Variants in SIK3 observed in about 807,000 individuals in gnomAD.
The protein encoded by SIK3 is SIK family kinase 3, also known as serine/threonine-protein kinase SIK3.
In SIK3, 28 loss-of-function variants were observed where a neutral mutation model predicts 144.2. The observed-to-expected ratio is 0.19, with a 90% CI of 0.14 to 0.27. The LOEUF (loss-of-function observed/expected upper bound fraction) is 0.27, where lower values mean the gene tolerates loss of function less well. Ranked by LOEUF, SIK3 falls within the 10% of genes least tolerant of loss-of-function variation. The probability of loss-of-function intolerance (pLI) is 1.00; values close to 1 mark genes in which losing one functional copy is unlikely to be tolerated. For synonymous variants in SIK3, 686 were observed against 676.3 expected (o/e 1.01, Z -0.22); for missense variants, 1,319 against 1,776.0 (o/e 0.74, Z 4.62).
chr11:116,916,923 A>G (rs1946674670), intron 4 of SIK3, among the ~76,000 whole-genome samples: 1 of 151,880 alleles, frequency 6.6e-6, no homozygotes, highest in Admixed American at 6.6e-5. Context: ...TAGGCGACAG[A>G]GCGAGACCTC....
intron 1 of SIK3, among the ~76,000 whole-genome samples, chr11:116,996,171 G>A (rs1467942138): frequency 6.6e-6 from 1 of 152,002 alleles, no homozygotes; most frequent in East Asian, 1.9e-4. Context: ...AGCCAGGTGT[G>A]GTGGTGTGTG....
chr11:116,930,702 A>T (rs1947553767), intron 3 of SIK3, among the ~76,000 whole-genome samples: 1 of 152,086 alleles, frequency 6.6e-6, no homozygotes, highest in African/African-American at 2.4e-5. Context: ...CTGAGACACA[A>T]ATACTACCCA....
chr11:116,995,404 C>T (rs1950632026), intron 1 of SIK3, among the ~76,000 whole-genome samples: 2 of 151,924 alleles, frequency 1.3e-5, no homozygotes, highest in African/African-American at 4.8e-5. Flanking sequence ...GCTAGGACTA[C>T]AGGTGTGCAC....
At chr11:116,881,753 G>A (rs1222944289) in intron 6 of SIK3, among the ~76,000 whole-genome samples, 1 of 152,012 alleles carries the variant, frequency 6.6e-6, no homozygotes, top group Non-Finnish European at 1.5e-5. Flanking sequence ...AAGACTAATA[G>A]AGCAATTCAT....
At chr11:116,980,532 T>C (rs1950102645) in intron 1 of SIK3, among the ~76,000 whole-genome samples, 1 of 152,200 alleles carries the variant, frequency 6.6e-6, no homozygotes. Context: ...TGAATGAATA[T>C]CACTTTCACA....
chr11:117,079,650 T>A (rs1954698144), intron 1 of SIK3, among the ~76,000 whole-genome samples: 1 of 151,888 alleles, frequency 6.6e-6, no homozygotes. Context: ...GAAGCAAAGA[T>A]TTACATTTAA....
At chr11:116,932,876 A>G (rs891865804) in intron 3 of SIK3, among the ~76,000 whole-genome samples, 1 of 152,122 alleles carries the variant, frequency 6.6e-6, no homozygotes, top group African/African-American at 2.4e-5. Flanking sequence ...GGCTCACTGC[A>G]GCCTTGACCT....
intron 4 of SIK3, among the ~76,000 whole-genome samples, chr11:116,902,236 G>T (rs1945772751): frequency 6.6e-6 from 1 of 152,202 alleles, no homozygotes; most frequent in South Asian, 2.1e-4. Flanking sequence ...ATTTAAACCA[G>T]TTGAGTTTAA....
chr11:116,876,372 T>G lies in SIK3; in HGVS notation c.985-9A>C, dbSNP rs1159406027. The G allele has an allele frequency of 1.4e-5, 22 of 1,606,264 alleles. No homozygotes were observed. Among genetic ancestry groups the G allele is most frequent in the Non-Finnish European group, 1.9e-5 (22 of 1,173,248 alleles). ...TGGCATTCAGCTATTAACTGTAACA[T>G]AAAAAGGAGGAAGCTGTCAACCCCC... On this transcript the variant is annotated splice_polypyrimidine_tract_variant and intron_variant, in intron 7 of 24. Transcript: ENST00000445177.
chr11:117,022,814 G>GATGA (rs1951831699), intron 1 of SIK3, among the ~76,000 whole-genome samples: 2 of 141,426 alleles, frequency 1.4e-5, no homozygotes, highest in Non-Finnish European at 3.1e-5. Context: ...TGGAGGGCAA[G>GATGA]GGAGGAAATG....
At chr11:116,979,060 T>C (rs1415592807) in intron 1 of SIK3, among the ~76,000 whole-genome samples, 1 of 152,188 alleles carries the variant, frequency 6.6e-6, no homozygotes, top group Non-Finnish European at 1.5e-5. Context: ...CTAGGGGACA[T>C]ACCTAGGCAT....
At chr11:116,914,216 T>G (rs1213510942) in intron 4 of SIK3, among the ~76,000 whole-genome samples, 1 of 150,390 alleles carries the variant, frequency 6.6e-6, no homozygotes, top group Non-Finnish European at 1.5e-5. Context: ...ATTTTTTTTT[T>G]TTTTTTTTTT....
intron 4 of SIK3, among the ~76,000 whole-genome samples, chr11:116,901,706 C>A (rs1246791045): frequency 6.6e-6 from 1 of 152,166 alleles, no homozygotes; most frequent in East Asian, 1.9e-4. Context: ...CTCTCTAGTT[C>A]CTTACCTTAT....
At chr11:116,883,671 C>G (rs911679728) in intron 6 of SIK3, among the ~76,000 whole-genome samples, 7 of 152,152 alleles carry the variant, frequency 4.6e-5, no homozygotes, top group Non-Finnish European at 7.4e-5. Flanking sequence ...TGGTGGCTCA[C>G]GCCTATAATC....
intron 3 of SIK3, among the ~76,000 whole-genome samples, chr11:116,947,351 G>A (rs1196866848): frequency 6.9e-6 from 1 of 145,968 alleles, no homozygotes; most frequent in South Asian, 2.1e-4. Flanking sequence ...AAGATACTAA[G>A]AAGGAACAGT....
rs1947327190 is a variant in SIK3, at chr11:116,927,247, C to T, written c.588G>A (p.Leu196=). The T allele has an allele frequency of 3.7e-6, 6 of 1,613,932 alleles. No individual in the cohort carries two copies. The highest frequency in any genetic ancestry group is 4.2e-6 in the Non-Finnish European group (5 of 1,179,898). Residue 196 remains leucine, a synonymous_variant, in exon 4 of 25, where the codon CTG becomes CTA. Transcript: ENST00000445177. ...HRDLKAENLL[L]DANLNIKIAD... ...CTATTTTGATATTCAGATTGGCATCCAGAAGTAAATTTTCAGCTTTTAAAT... is the reference window on the plus strand; with the variant it reads ...CTATTTTGATATTCAGATTGGCATCTAGAAGTAAATTTTCAGCTTTTAAAT...
chr11:117,063,152 CTAAT>C (rs1326349305), intron 1 of SIK3, among the ~76,000 whole-genome samples: 1 of 152,134 alleles, frequency 6.6e-6, no homozygotes, highest in Non-Finnish European at 1.5e-5. Flanking sequence ...CTTATACTAA[CTAAT>C]CTTCATATCA....
rs1389929568 is a variant in SIK3, at chr11:116,917,168, G to C, written c.616+10051C>G. Among the ~76,000 whole-genome samples the C allele has an allele frequency of 1.6e-4, 24 of 152,166 alleles. No individual in the cohort carries two copies. In the East Asian group the frequency reaches 4.5e-3, roughly 28 times the overall value. ...ATAAAGACTCCCTCAGAATCAGAGT[G>C]AAGGAGCACTCTGGGTGATTCGTTA... On this transcript the variant is annotated intron_variant, in intron 4 of 24. Coordinates refer to ENST00000445177, the MANE Select transcript of SIK3 (RefSeq NM_001366686.3).
At chr11:116,915,259 G>A (rs923330935) in intron 4 of SIK3, among the ~76,000 whole-genome samples, 2 of 151,586 alleles carry the variant, frequency 1.3e-5, no homozygotes, top group African/African-American at 4.9e-5. Context: ...GGATCCTCCC[G>A]CCTTGGCCTC....
Sources: gnomAD v4.1 joint callset for allele counts (sites outside exome capture counted in the v4.1 genomes callset) on GRCh38, gnomAD v4.1.1 for gene constraint, MANE v1.5 for transcripts, NCBI Gene and HGNC (gene_info 2026-07-23, HGNC 2026-07-21) for gene names.